The following PGAP4 variants were observed in gnomAD, a reference collection of about 807,000 sequenced individuals.
PGAP4 encodes the protein post-GPI attachment to proteins GalNAc transferase 4.
A neutral mutation model predicts 28.2 loss-of-function variants in PGAP4; 12 were observed. The observed-to-expected ratio is 0.42, with a 90% CI of 0.27 to 0.69. PGAP4 has a LOEUF of 0.69. Among genes scored for constraint, PGAP4 ranks in the 30% least tolerant of loss-of-function variants. PGAP4 has a pLI of 0.22. For synonymous variants in PGAP4, 205 were observed against 211.8 expected, an observed-to-expected ratio of 0.97 and a Z score of 0.28; for missense variants, 425 against 513.5, an observed-to-expected ratio of 0.83 and a Z score of 1.67.
At chr9:101,505,794 C>A (rs1424523846) in intron 2 of PGAP4, among the ~76,000 whole-genome samples, 1 of 152,060 alleles carries the variant, frequency 6.6e-6, no homozygotes, top group Non-Finnish European at 1.5e-5. Context: ...CCCTACCCAC[C>A]CCCTTTGTAA....
At chr9:101,479,114 CCA>C (rs1826409210) in intron 1 of PGAP4, among the ~76,000 whole-genome samples, 1 of 150,990 alleles carries the variant, frequency 6.6e-6, no homozygotes, top group South Asian at 2.1e-4. Context: ...TTATGCAACC[CCA>C]GTCTTGCTGG....
intron 2 of PGAP4, among the ~76,000 whole-genome samples, chr9:101,495,613 C>G (rs1219671551): frequency 6.7e-6 from 1 of 148,770 alleles, no homozygotes; most frequent in Non-Finnish European, 1.5e-5. Flanking sequence ...AACAGAATTA[C>G]AGGTCATGGC....
chr9:101,528,850 T>A, intron 2 of PGAP4, among the ~76,000 whole-genome samples: 1 of 151,780 alleles, frequency 6.6e-6, no homozygotes, highest in South Asian at 2.1e-4. Context: ...ACATAGGTAA[T>A]TTTGTCATGG....
intron 2 of PGAP4, among the ~76,000 whole-genome samples, chr9:101,500,214 T>A (rs1282351583): frequency 6.6e-6 from 1 of 152,068 alleles, no homozygotes; most frequent in Non-Finnish European, 1.5e-5. Context: ...AAATTTATTA[T>A]CTTAGAAGTC....
At chr9:101,507,993 A>G (rs1318278476) in intron 2 of PGAP4, among the ~76,000 whole-genome samples, 1 of 152,102 alleles carries the variant, frequency 6.6e-6, no homozygotes, top group Non-Finnish European at 1.5e-5. Context: ...AAATGCTATC[A>G]TGCTCCCAAT....
intron 1 of PGAP4, among the ~76,000 whole-genome samples, chr9:101,480,117 T>C (rs1826439642): frequency 6.6e-6 from 1 of 151,984 alleles, no homozygotes; most frequent in Non-Finnish European, 1.5e-5. Flanking sequence ...AGCAATCTGC[T>C]CACGGAGTAT....
chr9:101,473,545 G>T lies in PGAP4; in HGVS notation c.*2336C>A, dbSNP rs1826212896. Reference sequence around the variant, plus strand: ...CTGCAGAAAATGTCCAAAGACAACTGGCAGAGTTCACTCCATGGGGAAAAG... The same window carrying T: ...CTGCAGAAAATGTCCAAAGACAACTTGCAGAGTTCACTCCATGGGGAAAAG... On this transcript the variant is annotated 3_prime_UTR_variant, in exon 2 of 2. Coordinates refer to ENST00000374848, the MANE Select transcript of PGAP4 (RefSeq NM_032342.3). 6.6e-6 allele frequency: 1 copy of T among 152,282 alleles called. No homozygotes were observed. Among genetic ancestry groups the T allele is most frequent in the African/African-American group, 2.4e-5 (1 of 41,462 alleles). The allele number at this position is 152,282 out of a possible 1,614,324, so 9.4% of individuals were successfully genotyped here.
chr9:101,509,148 G>T (rs554168769), intron 2 of PGAP4, among the ~76,000 whole-genome samples: 3 of 152,300 alleles, frequency 2.0e-5, no homozygotes, highest in African/African-American at 7.2e-5. Context: ...CAGTCTGGGG[G>T]TCTTTTGTGG....
intron 2 of PGAP4, among the ~76,000 whole-genome samples, chr9:101,502,159 G>T (rs1275337908): frequency 6.6e-6 from 1 of 152,014 alleles, no homozygotes; most frequent in East Asian, 1.9e-4. Flanking sequence ...TTTCAAATGG[G>T]TTTGTTTTGG....
At position 101,495,659 on chromosome 9, in the gene PGAP4, C is replaced by G. The variant is rs1032677744; in HGVS notation, c.-164-6459G>C. Among the ~76,000 whole-genome samples, 6 of 149,432 alleles carry G rather than the reference C, an allele frequency of 4.0e-5. No homozygotes were observed. In the South Asian group the frequency reaches 1.3e-3, roughly 31 times the overall value. On this transcript the variant is annotated intron_variant, in intron 2 of 3. Coordinates refer to the PGAP4 transcript ENST00000374851. The stretch of plus-strand genomic sequence containing the variant: ...GTATTTATTTAACCAGAGTGATAAC[C>G]AAAAGACTTAAAAAAATAGAGTTTT...
intron 2 of PGAP4, among the ~76,000 whole-genome samples, chr9:101,506,694 G>A (rs1043065980): frequency 5.3e-5 from 8 of 151,930 alleles, no homozygotes; most frequent in Non-Finnish European, 1.2e-4. Flanking sequence ...AGTATTGAAA[G>A]AATAAAAAGT....
rs912347184 is a variant in PGAP4 at position 101,486,707 on chromosome 9, C to T, written c.-78+242G>A. Among the ~76,000 whole-genome samples, 32 of 152,216 alleles carry T rather than the reference C, an allele frequency of 2.1e-4. No individual in the cohort carries two copies. The highest frequency in any genetic ancestry group is 7.0e-4 in the African/African-American group (29 of 41,554). On this transcript the variant is annotated intron_variant, in intron 1 of 1. Coordinates refer to ENST00000374848, the MANE Select transcript of PGAP4 (RefSeq NM_032342.3). This position sits in a 1 kb window ranked among gnomAD's most constrained non-coding sequence, Gnocchi z 4.7. Reference sequence around the variant, plus strand: ...GCCCCTGCTGCCCTGGGGACCCCTGCGGGGTCCTCGCAATCCTCCGGCAGG... The same window carrying T: ...GCCCCTGCTGCCCTGGGGACCCCTGTGGGGTCCTCGCAATCCTCCGGCAGG...
intron 2 of PGAP4, among the ~76,000 whole-genome samples, chr9:101,511,619 G>T (rs1407869): frequency 6.6e-6 from 1 of 151,978 alleles, no homozygotes; most frequent in Admixed American, 6.6e-5. Context: ...TATCCATAAT[G>T]GTATTGGTAA....
upstream of PGAP4, among the ~76,000 whole-genome samples, chr9:101,488,361 G>A (rs1113384): frequency 6.6e-6 from 1 of 152,054 alleles, no homozygotes; most frequent in Admixed American, 6.6e-5. Context: ...CTGATATTCC[G>A]AAATTGGAGG....
chr9:101,528,455 G>A (rs1827055348), intron 2 of PGAP4, among the ~76,000 whole-genome samples: 1 of 152,080 alleles, frequency 6.6e-6, no homozygotes, highest in South Asian at 2.1e-4. Flanking sequence ...CTTTCTGAAT[G>A]ATGGTCATGC....
At chr9:101,530,950 G>A (rs1827083723) in intron 2 of PGAP4, among the ~76,000 whole-genome samples, 2 of 152,100 alleles carry the variant, frequency 1.3e-5, no homozygotes, top group African/African-American at 4.8e-5. Flanking sequence ...GTAGACTAAA[G>A]CAGATTACCC....
At chr9:101,529,403 C>T (rs1311557156) in intron 2 of PGAP4, among the ~76,000 whole-genome samples, 3 of 152,168 alleles carry the variant, frequency 2.0e-5, no homozygotes, top group Admixed American at 6.5e-5. Flanking sequence ...GATCCGCCCG[C>T]CTTGGCCTCC....
At chr9:101,527,741 C>A (rs575866094) in intron 2 of PGAP4, among the ~76,000 whole-genome samples, 26 of 152,146 alleles carry the variant, frequency 1.7e-4, no homozygotes, top group Non-Finnish European at 3.7e-4. Flanking sequence ...AATATACTTA[C>A]AAATTAAATA....
At chr9:101,505,517 G>C (rs1826842281) in intron 2 of PGAP4, among the ~76,000 whole-genome samples, 1 of 151,722 alleles carries the variant, frequency 6.6e-6, no homozygotes, top group African/African-American at 2.4e-5. Flanking sequence ...CCTTTTCTTG[G>C]GTATTTCCAG....
Sources: gnomAD v4.1 joint callset for allele counts (sites outside exome capture counted in the v4.1 genomes callset) on GRCh38, gnomAD v4.1.1 for gene constraint, Gnocchi (gnomAD v3.1) non-coding constraint, MANE v1.5 for transcripts, NCBI Gene and HGNC (gene_info 2026-07-23, HGNC 2026-07-21) for gene names.